The following MOB1B variants were observed in gnomAD, a reference collection of about 807,000 sequenced individuals.
MOB1B encodes MOB kinase activator 1B.
In MOB1B, 19 loss-of-function variants were observed where a neutral mutation model predicts 24.4. That is an observed-to-expected ratio of 0.78 (90% CI 0.54 to 1.14). The LOEUF is 1.14. Ranked by LOEUF, MOB1B falls within the 50% of genes most tolerant of loss-of-function variation. The probability of loss-of-function intolerance (pLI) is 0.00; values close to 1 mark genes in which losing one functional copy is unlikely to be tolerated. For synonymous variants in MOB1B, 76 were observed against 82.1 expected (o/e 0.93, Z 0.40); for missense variants, 243 against 259.6 (o/e 0.94, Z 0.44).
At position 70,902,497 on chromosome 4, in the gene MOB1B, C is replaced by A. The variant is rs1735550724; in HGVS notation, c.-40C>A. The A allele has an allele frequency of 1.9e-6, 3 of 1,553,662 alleles. No homozygotes were observed. The highest frequency in any genetic ancestry group is 2.7e-5 in the African/African-American group (2 of 73,476). On this transcript the variant is annotated 5_prime_UTR_variant, in exon 1 of 6. Transcript: ENST00000309395. ...TTTCCTGGCCCACGCCGCTCCGAGG[C>A]CTCGCGACCGCCGAGCCTGCAGCCT...
intron 1 of MOB1B, 126 bp from the exon 2 acceptor site, chr4:70,958,748 A>G (rs1738172987): frequency 1.1e-6 from 1 of 947,256 alleles, no homozygotes; most frequent in Non-Finnish European, 1.7e-6. Flanking sequence ...TGGAGAGCAC[A>G]GTAGTTACAG....
At chr4:70,970,299 C>T (rs1305071475) in intron 3 of MOB1B, among the ~76,000 whole-genome samples, 3 of 152,112 alleles carry the variant, frequency 2.0e-5, no homozygotes, top group Non-Finnish European at 4.4e-5. Context: ...CTTGCTTATT[C>T]TCTTCTTCTC....
chr4:70,935,499 A>G (rs557143633), intron 1 of MOB1B, among the ~76,000 whole-genome samples: 2 of 152,226 alleles, frequency 1.3e-5, no homozygotes, highest in East Asian at 3.9e-4. Flanking sequence ...GTAAGCACAC[A>G]TTGCCTGGAA....
At chr4:70,925,384 G>A (rs1736607606) in intron 1 of MOB1B, among the ~76,000 whole-genome samples, 1 of 152,096 alleles carries the variant, frequency 6.6e-6, no homozygotes, top group Non-Finnish European at 1.5e-5. Flanking sequence ...TATTTGTAAG[G>A]TGTTGTCTAG....
intron 1 of MOB1B, among the ~76,000 whole-genome samples, chr4:70,909,158 GTGTC>G (rs1167510694): frequency 1.3e-5 from 2 of 151,762 alleles, no homozygotes; most frequent in Non-Finnish European, 2.9e-5. Flanking sequence ...ATGTTTATAT[GTGTC>G]TGTCTCTTTC....
At chr4:70,958,257 C>T (rs1178949963) in intron 1 of MOB1B, among the ~76,000 whole-genome samples, 4 of 151,668 alleles carry the variant, frequency 2.6e-5, no homozygotes, top group South Asian at 2.1e-4. Flanking sequence ...CTCTGCCTCC[C>T]GAGTTCAAGC....
At chr4:70,918,064 C>T (rs914689590) in intron 1 of MOB1B, among the ~76,000 whole-genome samples, 4 of 152,142 alleles carry the variant, frequency 2.6e-5, no homozygotes, top group African/African-American at 9.7e-5. Flanking sequence ...ACATTATCCA[C>T]AAAAATATAT....
chr4:70,975,566 C>A, intron 4 of MOB1B: 1 of 1,049,728 alleles, frequency 9.5e-7, no homozygotes, highest in Middle Eastern at 4.3e-4. Context: ...TAAATGATCT[C>A]CCTCTCTTAA....
chr4:70,958,789 A>G (rs1738175261), intron 1 of MOB1B, 85 bp from the exon 2 acceptor site: 3 of 1,195,212 alleles, frequency 2.5e-6, no homozygotes, highest in African/African-American at 1.5e-5. Flanking sequence ...AAGCCAATAC[A>G]GTTTAGGTCT....
intron 1 of MOB1B, among the ~76,000 whole-genome samples, chr4:70,909,344 A>G (rs960326472): frequency 1.3e-5 from 2 of 151,980 alleles, no homozygotes; most frequent in African/African-American, 4.8e-5. Flanking sequence ...TTAATAATTT[A>G]TAAGAATAAT....
chr4:70,903,893 T>A (rs1711320237), intron 1 of MOB1B, among the ~76,000 whole-genome samples: 1 of 152,108 alleles, frequency 6.6e-6, no homozygotes, highest in South Asian at 2.1e-4. Context: ...AGAAGTTGAT[T>A]CTGAGTTTGT....
chr4:70,925,683 C>T (rs1736621118), intron 1 of MOB1B, among the ~76,000 whole-genome samples: 2 of 151,938 alleles, frequency 1.3e-5, no homozygotes, highest in South Asian at 2.1e-4. Context: ...TAATAAGATC[C>T]CTAGGTGATT....
chr4:70,944,055 C>CTT (rs940341639), intron 1 of MOB1B, among the ~76,000 whole-genome samples: 2 of 147,888 alleles, frequency 1.4e-5, no homozygotes, highest in Non-Finnish European at 3.0e-5. Context: ...ATCTGTAATA[C>CTT]TTTTTTTTTT....
chr4:70,924,521 C>G (rs776345824), intron 1 of MOB1B, among the ~76,000 whole-genome samples: 4 of 152,052 alleles, frequency 2.6e-5, no homozygotes, highest in Non-Finnish European at 5.9e-5. Flanking sequence ...CTAGGGTACA[C>G]GAGCACAACG....
chr4:70,928,880 A>C (rs2148877831), intron 1 of MOB1B, among the ~76,000 whole-genome samples: 2 of 151,926 alleles, frequency 1.3e-5, no homozygotes, highest in Non-Finnish European at 2.9e-5. Context: ...GAGCCCCTGC[A>C]CTCAGCCTTA....
At chr4:70,970,140 C>T (rs1324516659) in intron 3 of MOB1B, 116 bp downstream of exon 3, 3 of 614,982 alleles carry the variant, frequency 4.9e-6, no homozygotes, top group South Asian at 4.7e-5. Context: ...TGAGGTTTGC[C>T]AGTGACTATT....
At chr4:70,963,220 C>T (rs1002820787) in intron 2 of MOB1B, among the ~76,000 whole-genome samples, 12 of 151,798 alleles carry the variant, frequency 7.9e-5, no homozygotes, top group Non-Finnish European at 1.0e-4. Flanking sequence ...ATAAGTTAGC[C>T]GGAGATGTAC....
At chr4:70,909,732 C>CTT (rs567783255) in intron 1 of MOB1B, among the ~76,000 whole-genome samples, 4 of 145,568 alleles carry the variant, frequency 2.7e-5, no homozygotes, top group African/African-American at 7.5e-5. Flanking sequence ...TCTTATACTT[C>CTT]TTTTTTTTTT....
chr4:70,923,391 C>T (rs551963816), intron 1 of MOB1B, among the ~76,000 whole-genome samples: 1 of 152,192 alleles, frequency 6.6e-6, no homozygotes, highest in Middle Eastern at 3.4e-3. Flanking sequence ...TGCGTAGAGA[C>T]GAAGTTTTGC....
Sources: gnomAD v4.1 joint callset for allele counts (sites outside exome capture counted in the v4.1 genomes callset) on GRCh38, gnomAD v4.1.1 for gene constraint, MANE v1.5 for transcripts, NCBI Gene and HGNC (gene_info 2026-07-23, HGNC 2026-07-21) for gene names.